CCDC152: variants seen among roughly 807,000 people sequenced by gnomAD.
CCDC152 encodes coiled-coil domain containing 152.
In CCDC152, 37 loss-of-function variants were observed where a neutral mutation model predicts 38.1. The ratio of observed to expected loss-of-function variants is 0.97; its 90% CI spans 0.75 to 1.28. The LOEUF is 1.28. Ranked by LOEUF, CCDC152 falls within the 50% of genes most tolerant of loss-of-function variation. The probability of loss-of-function intolerance (pLI) is 0.00; values close to 1 mark genes in which losing one functional copy is unlikely to be tolerated. For missense variants in CCDC152, 259 were observed against 292.1 expected, an observed-to-expected ratio of 0.89 and a Z score of 0.83; for synonymous variants, 83 against 87.1, an observed-to-expected ratio of 0.95 and a Z score of 0.26.
intron 6 of CCDC152, among the ~76,000 whole-genome samples, chr5:42,784,759 C>T (rs1759897195): frequency 6.6e-6 from 1 of 152,066 alleles, no homozygotes; most frequent in South Asian, 2.1e-4. Flanking sequence ...TTTAATCAAT[C>T]TTGAGTTAAT....
intron 6 of CCDC152, among the ~76,000 whole-genome samples, chr5:42,785,982 C>T (rs531737887): frequency 5.9e-5 from 9 of 152,128 alleles, no homozygotes; most frequent in Admixed American, 3.3e-4. Flanking sequence ...GCCGTTTGAT[C>T]CTGATGAATT....
At chr5:42,772,648 T>G (rs1467132407) in intron 4 of CCDC152, among the ~76,000 whole-genome samples, 2 of 39,406 alleles carry the variant, frequency 5.1e-5, no homozygotes, top group Non-Finnish European at 1.1e-4. Context: ...AGACTCCGTC[T>G]CAAAAAAAAA....
intron 8 of CCDC152, 87 bp downstream of exon 8, chr5:42,799,545 T>TA: frequency 8.6e-7 from 1 of 1,158,762 alleles, no homozygotes; most frequent in Non-Finnish European, 1.2e-6. Context: ...TTATTAACAA[T>TA]ATAAGGTATT....
chr5:42,768,261 C>T (rs578251110), intron 3 of CCDC152, among the ~76,000 whole-genome samples: 89 of 152,290 alleles, frequency 5.8e-4, no homozygotes, highest in African/African-American at 2.1e-3. Flanking sequence ...CTACTTACCC[C>T]TTATCTGCTT....
chr5:42,783,474 G>A lies in CCDC152; in HGVS notation c.328G>A (p.Glu110Lys). Residue 110 changes from glutamate to lysine, a missense_variant and splice_region_variant, in exon 6 of 9, where the codon GAA becomes AAA. Glu to Lys is a moderately conservative substitution (Grantham distance 56). Coordinates refer to ENST00000361970, the MANE Select transcript of CCDC152 (RefSeq NM_001134848.2). ...IKEKLKSHEQ[E>K]YKNNIAKLVS... The stretch of plus-strand genomic sequence containing the variant: ...AATTAATATATATTTTAATCTTTAG[G>A]AATATAAGAATAATATTGCCAAACT... 8.3e-7 allele frequency: 1 copy of A among 1,204,180 alleles called. No individual in the cohort carries two copies. Among genetic ancestry groups the A allele is most frequent in the Non-Finnish European group, 1.1e-6 (1 of 933,088 alleles). The allele number at this position is 1,204,180 out of a possible 1,614,324, so 74.6% of individuals were successfully genotyped here.
In CCDC152 at chr5:42,779,438, C is replaced by T. The variant is rs768037239; in HGVS notation, c.263-20C>T. The T allele has an allele frequency of 6.7e-6, 9 of 1,341,592 alleles. No homozygotes were observed. Among genetic ancestry groups the T allele is most frequent in the South Asian group, 3.9e-5 (3 of 77,736 alleles). 83.1% of individuals were successfully genotyped at this position (1,341,592 alleles called of 1,614,324 possible). A position where few individuals can be genotyped will look rare whatever the true frequency, so the allele number is the denominator to read the frequency against. Reference sequence around the variant, plus strand: ...GAAAAGTGCTATATATTATGATGTTCTTTGATTATTCTTACACAGGTGAAA... The same window carrying T: ...GAAAAGTGCTATATATTATGATGTTTTTTGATTATTCTTACACAGGTGAAA... On this transcript the variant is annotated intron_variant, in intron 4 of 8. Coordinates refer to ENST00000361970, the MANE Select transcript of CCDC152 (RefSeq NM_001134848.2).
At chr5:42,788,955 G>A (rs1211731596) in intron 6 of CCDC152, among the ~76,000 whole-genome samples, 1 of 152,124 alleles carries the variant, frequency 6.6e-6, no homozygotes, top group Non-Finnish European at 1.5e-5. Context: ...GATCCCTTGG[G>A]CAGCAGCAGT....
In CCDC152 at chr5:42,802,072, T is replaced by C. The variant is rs1010377477; in HGVS notation, c.*2291T>C. On this transcript the variant is annotated 3_prime_UTR_variant, in exon 9 of 9. Coordinates refer to ENST00000361970, the MANE Select transcript of CCDC152 (RefSeq NM_001134848.2). ...AATAAACTCTGCTCAAATGTGTTAG[T>C]TTTTCATACTTCATCCTATGCCAGG... The C allele has an allele frequency of 4.6e-5, 7 of 152,194 alleles. No individual in the cohort carries two copies. The highest frequency in any genetic ancestry group is 1.7e-4 in the African/African-American group (7 of 41,452). 9.4% of individuals were successfully genotyped at this position (152,194 alleles called of 1,614,324 possible).
At chr5:42,759,813 A>G (rs1759526434) in intron 2 of CCDC152, among the ~76,000 whole-genome samples, 1 of 152,182 alleles carries the variant, frequency 6.6e-6, no homozygotes, top group African/African-American at 2.4e-5. Flanking sequence ...ACAGTATATT[A>G]TAATTGTTCT....
chr5:42,769,438 A>T (rs549467657), intron 3 of CCDC152, among the ~76,000 whole-genome samples, 159 bp from the exon 4 acceptor site: 114 of 152,120 alleles, frequency 7.5e-4, no homozygotes, highest in Admixed American at 2.2e-3. Context: ...CTTGGGTTCA[A>T]GTGATCCTCC....
intron 3 of CCDC152, among the ~76,000 whole-genome samples, chr5:42,764,147 C>G (rs910261960): frequency 4.6e-5 from 7 of 152,100 alleles, no homozygotes; most frequent in Non-Finnish European, 1.0e-4. Flanking sequence ...CATGGTGGCT[C>G]ACACCTGTAA....
intron 6 of CCDC152, 77 bp downstream of exon 6, chr5:42,783,653 G>A: frequency 5.1e-6 from 3 of 588,016 alleles, no homozygotes; most frequent in Non-Finnish European, 7.2e-6. Flanking sequence ...TGGGTATTTT[G>A]TATAATGCTG....
intron 4 of CCDC152, among the ~76,000 whole-genome samples, chr5:42,773,222 A>C (rs1444599322): frequency 6.6e-6 from 1 of 152,194 alleles, no homozygotes; most frequent in Non-Finnish European, 1.5e-5. Context: ...TTTCAGTTAC[A>C]ATGAGAGAAA....
chr5:42,783,092 G>T (rs1364027), intron 5 of CCDC152, among the ~76,000 whole-genome samples: 33,411 of 151,788 alleles, frequency 0.22, 4,540 homozygotes, highest in Admixed American at 0.35. Flanking sequence ...GGATGGTCTC[G>T]ATCTCCTGAC....
chr5:42,790,658 A>G (rs1759986645), intron 6 of CCDC152, among the ~76,000 whole-genome samples: 1 of 152,220 alleles, frequency 6.6e-6, no homozygotes. Context: ...ACCTCTGTGA[A>G]GAAGAGAAGA....
At chr5:42,767,799 T>C (rs1217017284) in intron 3 of CCDC152, among the ~76,000 whole-genome samples, 6 of 152,262 alleles carry the variant, frequency 3.9e-5, no homozygotes, top group African/African-American at 1.4e-4. Context: ...TACTATATTC[T>C]ATGAATCACT....
At chr5:42,785,629 C>T (rs1487932466) in intron 6 of CCDC152, among the ~76,000 whole-genome samples, 1 of 152,006 alleles carries the variant, frequency 6.6e-6, no homozygotes, top group African/African-American at 2.4e-5. Flanking sequence ...ATTTCTCTTT[C>T]CTGATTGCTC....
chr5:42,801,481 G>A lies in CCDC152; in HGVS notation c.*1700G>A. 1.7e-6 allele frequency: 1 copy of A among 594,694 alleles called. No homozygotes were observed. Among genetic ancestry groups the A allele is most frequent in the Non-Finnish European group, 2.9e-6 (1 of 350,100 alleles). 36.8% of individuals were successfully genotyped at this position (594,694 alleles called of 1,614,324 possible). On this transcript the variant is annotated 3_prime_UTR_variant, in exon 9 of 9. Transcript: ENST00000361970. ...TTATATTAATGAGAAAGAGTCTGAT[G>A]TTAGTCTCAACACCTAGACATTTTA... is the stretch of plus-strand genomic sequence containing the variant.
chr5:42,793,238 A>G (rs1579722246), intron 6 of CCDC152, among the ~76,000 whole-genome samples: 1 of 152,338 alleles, frequency 6.6e-6, no homozygotes, highest in East Asian at 1.9e-4. Flanking sequence ...CTTGAAAATG[A>G]AAATTATGGT....
Sources: gnomAD v4.1 joint callset for allele counts (sites outside exome capture counted in the v4.1 genomes callset) on GRCh38, gnomAD v4.1.1 for gene constraint, MANE v1.5 for transcripts, NCBI Gene and HGNC (gene_info 2026-07-23, HGNC 2026-07-21) for gene names.